AKAP6: variants seen among roughly 807,000 people sequenced by gnomAD.
The protein encoded by AKAP6 is A-kinase anchoring protein 6, also known as A-kinase anchor protein 6.
A neutral mutation model predicts 188.5 loss-of-function variants in AKAP6; 58 were observed. That is an observed-to-expected ratio of 0.31 (90% CI 0.25 to 0.38). The LOEUF is 0.38. Ranked by LOEUF, AKAP6 falls within the 10% of genes least tolerant of loss-of-function variation. The pLI is 1.00. For missense variants in AKAP6, 2,710 were observed against 2,740.0 expected, an observed-to-expected ratio of 0.99 and a Z score of 0.24; for synonymous variants, 989 against 998.6, an observed-to-expected ratio of 0.99 and a Z score of 0.18.
intron 7 of AKAP6, among the ~76,000 whole-genome samples, chr14:32,662,909 T>G (rs1427139123): frequency 6.6e-6 from 1 of 152,118 alleles, no homozygotes; most frequent in Non-Finnish European, 1.5e-5. Context: ...TCCTGTAGAC[T>G]TTCTCTTACC....
At chr14:32,696,347 G>A (rs1176117485) in intron 9 of AKAP6, among the ~76,000 whole-genome samples, 1 of 152,232 alleles carries the variant, frequency 6.6e-6, no homozygotes, top group South Asian at 2.1e-4. Context: ...TCTATAGAAG[G>A]ACAAAGATTT....
At chr14:32,351,218 A>G (rs1395773811) in intron 1 of AKAP6, among the ~76,000 whole-genome samples, 1 of 152,216 alleles carries the variant, frequency 6.6e-6, no homozygotes, top group African/African-American at 2.4e-5. Flanking sequence ...TCTAACCTAG[A>G]GGTCTAAAAG....
rs1199050351 is a variant in AKAP6 at position 32,732,548 on chromosome 14, A to C, written c.3095A>C (p.Asn1032Thr). The C allele has an allele frequency of 3.1e-6, 5 of 1,613,648 alleles. No homozygotes were observed. The highest frequency in any genetic ancestry group is 4.2e-6 in the Non-Finnish European group (5 of 1,179,724). ...AAGAAAGGTGGCGTTTTACTACCAA[A>C]TGATCTCCTTGAAAAAGTGGATTCA... ...ALKKGGVLLP[N>T]DLLEKVDSIN... The change falls in exon 10 of 14, where the codon AAT (asparagine) becomes ACT (threonine). Residue 1032 changes from asparagine (N) to threonine (T), a missense_variant. Physicochemically the swap from Asn to Thr is moderately conservative, Grantham distance 65. This residue lies in a region of AKAP6 where 2,473 missense variants were observed against 2,426.1 expected (regional missense o/e 1.02). Coordinates refer to ENST00000280979, the MANE Select transcript of AKAP6 (RefSeq NM_004274.5).
At chr14:32,751,829 A>G (rs1267688512) in intron 11 of AKAP6, among the ~76,000 whole-genome samples, 2 of 152,108 alleles carry the variant, frequency 1.3e-5, no homozygotes, top group Non-Finnish European at 2.9e-5. Flanking sequence ...TTTTTATACA[A>G]TCTTTACTGA....
At chr14:32,792,030 A>G (rs2033626267) in intron 12 of AKAP6, among the ~76,000 whole-genome samples, 4 of 152,090 alleles carry the variant, frequency 2.6e-5, no homozygotes, top group African/African-American at 9.7e-5. Flanking sequence ...GTAGCCTTGT[A>G]GTATAGTTTG....
At chr14:32,789,466 GTGGT>G (rs774500043) in intron 12 of AKAP6, among the ~76,000 whole-genome samples, 8 of 152,208 alleles carry the variant, frequency 5.3e-5, no homozygotes, top group Non-Finnish European at 1.0e-4. Flanking sequence ...TTCTACAGGT[GTGGT>G]TGGGCCGGCA....
chr14:32,732,758 G>T, intron 10 of AKAP6, 158 bp downstream of exon 10: 2 of 824,232 alleles, frequency 2.4e-6, no homozygotes, highest in African/African-American at 1.8e-5. Flanking sequence ...GAAAGACACT[G>T]CTTTTCCTCT....
rs2031398782 is a variant in AKAP6, at chr14:32,735,885, A to G, written c.3372+3A>G. 1.9e-6 allele frequency: 3 copies of G among 1,572,248 alleles called. No individual in the cohort carries two copies. In the African/African-American group the frequency reaches 4.1e-5, roughly 22 times the overall value. ...AGAAACAACTGCAATACTTTAAGGT[A>G]ATAAAAAAACAATCAAAGTTGATAA... On this transcript the variant is annotated splice_donor_region_variant and intron_variant, in intron 11 of 13. Transcript: ENST00000280979.
In AKAP6 at chr14:32,822,327, A is replaced by T. The variant is rs773176230; in HGVS notation, c.4514A>T (p.Asp1505Val). ...CCCCTGCTTCGTGGTTTTTATTTTGATAAAAAATCATGCAAATCTAAACAT... is the reference window on the plus strand; with the variant it reads ...CCCCTGCTTCGTGGTTTTTATTTTGTTAAAAAATCATGCAAATCTAAACAT... Reference protein sequence around the residue: ...EDPLLRGFYFDKKSCKSKHQT... With the variant: ...EDPLLRGFYFVKKSCKSKHQT... Residue 1505 changes from aspartate to valine, a missense_variant, in exon 13 of 14, where the codon GAT (aspartate) becomes GTT (valine). Asp to Val is a radical substitution (Grantham distance 152, BLOSUM62 -3). This residue lies in a region of AKAP6 where 2,473 missense variants were observed against 2,426.1 expected (regional missense o/e 1.02). Coordinates refer to ENST00000280979, the MANE Select transcript of AKAP6 (RefSeq NM_004274.5). 1.4e-5 allele frequency: 22 copies of T among 1,613,846 alleles called. No homozygotes were observed. The highest frequency in any genetic ancestry group is 1.7e-5 in the Non-Finnish European group (20 of 1,179,952).
At chr14:32,719,302 C>T (rs1050211667) in intron 9 of AKAP6, among the ~76,000 whole-genome samples, 2 of 152,168 alleles carry the variant, frequency 1.3e-5, no homozygotes, top group African/African-American at 4.8e-5. Flanking sequence ...TGCAGCCTCT[C>T]AGTGCTGGAG....
chr14:32,682,995 C>CTTTT (rs71115090), intron 8 of AKAP6, among the ~76,000 whole-genome samples: 7 of 142,232 alleles, frequency 4.9e-5, no homozygotes, highest in South Asian at 2.3e-4. Context: ...TTTTTTCTTC[C>CTTTT]TTTTTTTTTT....
chr14:32,717,911 A>G (rs2030311812), intron 9 of AKAP6, among the ~76,000 whole-genome samples: 1 of 152,088 alleles, frequency 6.6e-6, no homozygotes, highest in Non-Finnish European at 1.5e-5. Flanking sequence ...TTTGAGGATG[A>G]GCCTACGCCA....
chr14:32,683,989 G>A (rs531769581), intron 8 of AKAP6, among the ~76,000 whole-genome samples: 6 of 152,188 alleles, frequency 3.9e-5, no homozygotes, highest in African/African-American at 9.7e-5. Context: ...ATGGACCTCC[G>A]TATTTCAGAC....
At chr14:32,695,374 T>C (rs913577398) in intron 8 of AKAP6, among the ~76,000 whole-genome samples, 3 of 152,124 alleles carry the variant, frequency 2.0e-5, no homozygotes, top group African/African-American at 7.2e-5. Flanking sequence ...TTTGCAGAGA[T>C]AGGCAGATAG....
intron 1 of AKAP6, among the ~76,000 whole-genome samples, chr14:32,382,931 T>G: frequency 6.6e-6 from 1 of 152,132 alleles, no homozygotes; most frequent in East Asian, 1.9e-4. Context: ...CATTGGTATC[T>G]CCACCAGCCT....
At chr14:32,709,892 AT>A (rs989015355) in intron 9 of AKAP6, among the ~76,000 whole-genome samples, 65 of 152,102 alleles carry the variant, frequency 4.3e-4, no homozygotes, top group African/African-American at 1.3e-3. Flanking sequence ...GGTGAAAAAA[AT>A]TTTTTTAAGT....
chr14:32,637,570 G>A (rs1887555133), intron 7 of AKAP6, among the ~76,000 whole-genome samples: 1 of 152,060 alleles, frequency 6.6e-6, no homozygotes, highest in South Asian at 2.1e-4. Context: ...CAAGTCAAGA[G>A]TCCAGAAGTA....
At position 32,426,999 on chromosome 14, in the gene AKAP6, G is replaced by A. The variant is rs115111581; in HGVS notation, c.-34-6461G>A. 4.6e-3 allele frequency among the ~76,000 whole-genome samples: 702 copies of A among 152,234 alleles called. 9 individuals are homozygous for A. The highest frequency in any genetic ancestry group is 0.016 in the African/African-American group (663 of 41,518). On this transcript the variant is annotated intron_variant, in intron 1 of 13. Transcript: ENST00000280979. ...GTGGTCTCTAAGTGATTAGCAGAAT[G>A]TAATCACCCATCTGCCGAGGGGCAC...
intron 2 of AKAP6, among the ~76,000 whole-genome samples, chr14:32,449,413 T>C (rs1303791678): frequency 6.7e-6 from 1 of 150,104 alleles, no homozygotes; most frequent in Non-Finnish European, 1.5e-5. Flanking sequence ...TCCCAGCCAC[T>C]CAGGAGGCTG....
Sources: gnomAD v4.1 joint callset for allele counts (sites outside exome capture counted in the v4.1 genomes callset) on GRCh38, gnomAD v4.1.1 for gene constraint, gnomAD v4.1.1 regional missense constraint, MANE v1.5 for transcripts, NCBI Gene and HGNC (gene_info 2026-07-23, HGNC 2026-07-21) for gene names.